Variants in PRKN observed in about 807,000 individuals in gnomAD.
The protein encoded by PRKN is E3 ubiquitin-protein ligase parkin.
PRKN carries 56 observed loss-of-function variants against 59.5 expected under a neutral mutation model. The ratio of observed to expected loss-of-function variants is 0.94; its 90% CI spans 0.76 to 1.18. The LOEUF (loss-of-function observed/expected upper bound fraction) is 1.18. Ranked by LOEUF, PRKN falls within the 50% of genes most tolerant of loss-of-function variation. The pLI is 0.00. For synonymous variants in PRKN, 250 were observed against 222.1 expected, an observed-to-expected ratio of 1.13 and a Z score of -1.12; for missense variants, 657 against 596.4, an observed-to-expected ratio of 1.10 and a Z score of -1.06.
At chr6:161,737,878 T>G (rs987952017) in intron 7 of PRKN, among the ~76,000 whole-genome samples, 4 of 152,342 alleles carry the variant, frequency 2.6e-5, no homozygotes, top group Non-Finnish European at 5.9e-5. Context: ...CAGAACACTC[T>G]GCATTACATC....
intron 9 of PRKN, among the ~76,000 whole-genome samples, chr6:161,433,368 G>A (rs1244025624): frequency 6.6e-6 from 1 of 150,514 alleles, no homozygotes; most frequent in Non-Finnish European, 1.5e-5. Context: ...ATGTATTTTT[G>A]TTGTTTGGAT....
At chr6:161,893,121 G>A (rs544189101) in intron 6 of PRKN, among the ~76,000 whole-genome samples, 10 of 152,314 alleles carry the variant, frequency 6.6e-5, no homozygotes, top group African/African-American at 2.4e-4. Context: ...GATTACAGGC[G>A]TGAGCCACCG....
chr6:161,366,179 C>A (rs769267451), intron 10 of PRKN, among the ~76,000 whole-genome samples: 2 of 152,158 alleles, frequency 1.3e-5, no homozygotes, highest in African/African-American at 2.4e-5. Context: ...GCCTCTTCCA[C>A]TGTGAGAAGA....
intron 1 of PRKN, among the ~76,000 whole-genome samples, chr6:162,502,790 A>G (rs1216258581): frequency 1.3e-5 from 2 of 152,118 alleles, no homozygotes; most frequent in African/African-American, 2.4e-5. Context: ...TCACAAATAC[A>G]TAAGATACTC....
At chr6:161,797,262 G>GT (rs1169509332) in intron 6 of PRKN, among the ~76,000 whole-genome samples, 7 of 151,978 alleles carry the variant, frequency 4.6e-5, no homozygotes, top group South Asian at 2.1e-4. Flanking sequence ...CTTTCTTTCT[G>GT]TTTTTTTGAG....
intron 1 of PRKN, among the ~76,000 whole-genome samples, chr6:162,722,762 C>A (rs1486324675): frequency 6.6e-6 from 1 of 152,106 alleles, no homozygotes; most frequent in East Asian, 1.9e-4. Context: ...TTCATTGTAT[C>A]ATTTTCAGGC....
Position 162,410,253 on chromosome 6 carries a change from C to A in PRKN, c.171+33057G>T, listed in dbSNP as rs1583524192. On this transcript the variant is annotated intron_variant, in intron 2 of 11. Transcript: ENST00000366898. Reference sequence around the variant, plus strand: ...CAATTGGTTTGAGGACTGCTCTGGCCCCCAGGAAGTATTCTTTGCCCCCAT... The same window carrying A: ...CAATTGGTTTGAGGACTGCTCTGGCACCCAGGAAGTATTCTTTGCCCCCAT... 1.3e-5 allele frequency among the ~76,000 whole-genome samples: 2 copies of A among 151,966 alleles called. 1 individual carries two copies. The highest frequency in any genetic ancestry group is 2.9e-5 in the Non-Finnish European group (2 of 67,996).
chr6:162,416,078 T>G (rs1332008131), intron 2 of PRKN, among the ~76,000 whole-genome samples: 3 of 152,146 alleles, frequency 2.0e-5, no homozygotes, highest in African/African-American at 7.2e-5. Context: ...ATATTTGACC[T>G]CCAGTATCAT....
At chr6:162,476,804 C>A (rs1409238612) in intron 1 of PRKN, among the ~76,000 whole-genome samples, 1 of 152,136 alleles carries the variant, frequency 6.6e-6, no homozygotes, top group Non-Finnish European at 1.5e-5. Flanking sequence ...TTGTTAACCA[C>A]CCACAAGAAG....
At chr6:162,375,635 G>T (rs189479557) in intron 2 of PRKN, among the ~76,000 whole-genome samples, 14 of 151,578 alleles carry the variant, frequency 9.2e-5, no homozygotes, top group Middle Eastern at 3.4e-3. Context: ...GAACACTTAT[G>T]GTCCTATGAA....
At chr6:162,647,949 C>CCAAA (rs1778254488) in intron 1 of PRKN, among the ~76,000 whole-genome samples, 1 of 75,650 alleles carries the variant, frequency 1.3e-5, no homozygotes, top group Non-Finnish European at 2.4e-5. Flanking sequence ...GTCCACAGTG[C>CCAAA]AAAAAAAAAA....
At chr6:162,243,405 T>C (rs1779070710) in intron 3 of PRKN, among the ~76,000 whole-genome samples, 1 of 152,094 alleles carries the variant, frequency 6.6e-6, no homozygotes, top group Non-Finnish European at 1.5e-5. Context: ...AAGGGGAATA[T>C]TGTTCCAAGC....
intron 6 of PRKN, among the ~76,000 whole-genome samples, chr6:161,807,459 G>A (rs1258503066): frequency 1.3e-5 from 2 of 152,128 alleles, no homozygotes; most frequent in East Asian, 1.9e-4. Context: ...TGCTAGGGCT[G>A]CCATGACAAA....
chr6:162,038,631 T>C (rs1783938371), intron 5 of PRKN, among the ~76,000 whole-genome samples: 1 of 152,220 alleles, frequency 6.6e-6, no homozygotes, highest in Non-Finnish European at 1.5e-5. Flanking sequence ...ATACTAAGCT[T>C]CGTCTCTTTT....
chr6:161,955,574 G>A (rs1780141192), intron 6 of PRKN, among the ~76,000 whole-genome samples: 1 of 152,190 alleles, frequency 6.6e-6, no homozygotes, highest in South Asian at 2.1e-4. Context: ...TTGGAGGCCG[G>A]GCACAGTGGC....
At chr6:161,804,241 G>A (rs1345609565) in intron 6 of PRKN, among the ~76,000 whole-genome samples, 1 of 152,214 alleles carries the variant, frequency 6.6e-6, no homozygotes, top group Non-Finnish European at 1.5e-5. Flanking sequence ...CAAGAGGAGA[G>A]AGGACAATGG....
At chr6:161,422,495 G>C (rs1583047174) in intron 9 of PRKN, among the ~76,000 whole-genome samples, 1 of 152,190 alleles carries the variant, frequency 6.6e-6, no homozygotes, top group Admixed American at 6.5e-5. Flanking sequence ...CACTGTGCCT[G>C]GCCAGACAAC....
At chr6:162,586,579 T>C (rs1781069269) in intron 1 of PRKN, among the ~76,000 whole-genome samples, 1 of 152,182 alleles carries the variant, frequency 6.6e-6, no homozygotes. Flanking sequence ...AATATGACTA[T>C]GAGTTAAGGT....
chr6:162,506,737 G>A (rs62429608), intron 1 of PRKN, among the ~76,000 whole-genome samples: 39,091 of 151,856 alleles, frequency 0.26, 6,008 homozygotes, highest in Non-Finnish European at 0.35. Flanking sequence ...AAGAGATGAC[G>A]AGATGAGTTT....
Sources: allele counts gnomAD v4.1 joint callset (sites outside exome capture counted in the v4.1 genomes callset), GRCh38; gene constraint gnomAD v4.1.1; transcripts MANE v1.5; gene names NCBI Gene and HGNC (gene_info 2026-07-23, HGNC 2026-07-21).